TMEM67: variants seen among roughly 807,000 people sequenced by gnomAD.
The protein encoded by TMEM67 is transmembrane protein 67.
In TMEM67, 124 loss-of-function variants were observed where a neutral mutation model predicts 136.6. The observed-to-expected ratio is 0.91, with a 90% CI of 0.78 to 1.05. The LOEUF is 1.05. Among genes scored for constraint, TMEM67 ranks in the 50% least tolerant of loss-of-function variants. TMEM67 has a pLI of 0.00. For missense variants in TMEM67, 1,107 were observed against 1,178.4 expected (o/e 0.94, Z 0.89); for synonymous variants, 364 against 390.5 (o/e 0.93, Z 0.80).
In TMEM67 at chr8:93,763,843, G is replaced by A; in HGVS notation, c.408G>A (p.Val136=). The A allele has an allele frequency of 6.2e-7, 1 of 1,608,784 alleles. No individual in the cohort carries two copies. The highest frequency in any genetic ancestry group is 1.1e-5 in the South Asian group (1 of 90,920). Residue 136 remains valine, a splice_region_variant and synonymous_variant, in exon 4 of 28, where the codon GTG becomes GTA. Coordinates refer to ENST00000453321, the MANE Select transcript of TMEM67 (RefSeq NM_153704.6). The part of the protein sequence containing the change: ...KCHCPIGHIL[V]ERDINGTLLS... ...TTATTTTGTTTCTAAACTGTTCAGT[G>A]GAAAGAGACATTAATGGAACATTGT...
the TMEM67 span, among the ~76,000 whole-genome samples, chr8:93,831,389 G>A: frequency 6.6e-6 from 1 of 152,200 alleles, no homozygotes; most frequent in Non-Finnish European, 1.5e-5. Flanking sequence ...CAACAATTGG[G>A]CAAAAGATTT....
At chr8:93,824,780 A>C in the TMEM67 span, among the ~76,000 whole-genome samples, 1 of 152,170 alleles carries the variant, frequency 6.6e-6, no homozygotes, top group Non-Finnish European at 1.5e-5. Flanking sequence ...CAGTGGCACA[A>C]TCTCGACTCA....
chr8:93,803,404 A>G (rs1282798633), intron 21 of TMEM67, among the ~76,000 whole-genome samples, 200 bp from the exon 22 acceptor site: 2 of 152,214 alleles, frequency 1.3e-5, no homozygotes, highest in African/African-American at 4.8e-5. Context: ...GGCTCCCTCA[A>G]TGACTCAACA....
chr8:93,779,698 G>A (rs1169196271), intron 7 of TMEM67, among the ~76,000 whole-genome samples: 1 of 152,088 alleles, frequency 6.6e-6, no homozygotes, highest in Non-Finnish European at 1.5e-5. Flanking sequence ...TATTACCAGC[G>A]GAGGTTGTAG....
At chr8:93,806,706 C>T (rs947084878) in intron 23 of TMEM67, among the ~76,000 whole-genome samples, 4 of 151,964 alleles carry the variant, frequency 2.6e-5, no homozygotes, top group African/African-American at 9.7e-5. Flanking sequence ...ATACATTGAG[C>T]TGGATCACTT....
At chr8:93,764,050 C>A in intron 4 of TMEM67, 109 bp downstream of exon 4, 1 of 779,262 alleles carries the variant, frequency 1.3e-6, no homozygotes, top group Non-Finnish European at 2.2e-6. Context: ...CACAATAACC[C>A]AAGGAAGGAT....
chr8:93,822,843 T>C (rs1809059926), downstream of TMEM67, among the ~76,000 whole-genome samples: 1 of 152,188 alleles, frequency 6.6e-6, no homozygotes, highest in Admixed American at 6.5e-5. Flanking sequence ...AAGAACGAAT[T>C]ATCTAATGAT....
intron 23 of TMEM67, among the ~76,000 whole-genome samples, chr8:93,805,838 ATTG>A (rs1045563691): frequency 6.6e-6 from 1 of 152,216 alleles, no homozygotes; most frequent in Non-Finnish European, 1.5e-5. Context: ...CGATTAAGTG[ATTG>A]TTGACAGGGA....
chr8:93,826,822 GTTTA>G, the TMEM67 span, among the ~76,000 whole-genome samples: 2 of 152,010 alleles, frequency 1.3e-5, no homozygotes, highest in Admixed American at 6.6e-5. Flanking sequence ...ATATTTTTAT[GTTTA>G]TTTATTTATT....
At chr8:93,808,544 A>AT (rs1455360352) in intron 23 of TMEM67, among the ~76,000 whole-genome samples, 100 of 12,434 alleles carry the variant, frequency 8.0e-3, no homozygotes, top group South Asian at 0.014. Context: ...TCTATAATCT[A>AT]TATATATCTA....
chr8:93,799,548 C>G, intron 20 of TMEM67, 70 bp from the exon 21 acceptor site: 1 of 1,514,100 alleles, frequency 6.6e-7, no homozygotes, highest in Non-Finnish European at 9.1e-7. Context: ...GAGAGGTTTT[C>G]TGTTTTCAGT....
intron 18 of TMEM67, 74 bp downstream of exon 18, chr8:93,796,061 C>T: frequency 1.0e-6 from 1 of 995,636 alleles, no homozygotes; most frequent in Non-Finnish European, 1.6e-6. Flanking sequence ...AATTAAAATG[C>T]TTTCAAAAAT....
At chr8:93,823,296 A>G (rs1177561194), downstream of TMEM67, among the ~76,000 whole-genome samples, 1 of 152,208 alleles carries the variant, frequency 6.6e-6, no homozygotes, top group East Asian at 1.9e-4. Flanking sequence ...CCACTGGATA[A>G]TTCAGGATAA....
At chr8:93,830,042 A>G in the TMEM67 span, among the ~76,000 whole-genome samples, 2,060 of 152,286 alleles carry the variant, frequency 0.014, 53 homozygotes, top group African/African-American at 0.047. Flanking sequence ...GGAAAACTGC[A>G]CCAAGAAGCC....
At chr8:93,824,513 C>T in the TMEM67 span, among the ~76,000 whole-genome samples, 1 of 152,068 alleles carries the variant, frequency 6.6e-6, no homozygotes, top group Non-Finnish European at 1.5e-5. Flanking sequence ...CTGCTCTCCT[C>T]GGTTATAAAG....
intron 15 of TMEM67, among the ~76,000 whole-genome samples, chr8:93,792,246 A>G (rs1281872133): frequency 6.6e-6 from 1 of 151,652 alleles, no homozygotes. Flanking sequence ...ATCTCGGCCC[A>G]CTGCAACCTT....
At position 93,755,751 on chromosome 8, in the gene TMEM67, CTTTTT is replaced by C. The variant is rs587779735; in HGVS notation, c.224-7_224-3del. ...TTTTATTTATCAAGGATAAAATTGG[CTTTTT>C]TTTTTTTTTTTTTTTTTTTAGGAAC... On this transcript the variant is annotated intron_variant, in intron 1 of 27. Coordinates refer to ENST00000453321, the MANE Select transcript of TMEM67 (RefSeq NM_153704.6). The C allele has an allele frequency of 3.0e-4, 190 of 632,770 alleles. No homozygotes were observed. Among genetic ancestry groups the C allele is most frequent in the Admixed American group, 1.6e-3 (45 of 28,696 alleles). 39.2% of individuals were successfully genotyped at this position (632,770 alleles called of 1,614,324 possible).
At chr8:93,781,068 A>G in intron 9 of TMEM67, 86 bp downstream of exon 9, 1 of 926,442 alleles carries the variant, frequency 1.1e-6, no homozygotes, top group Non-Finnish European at 1.8e-6. Flanking sequence ...TTGCCTTTTT[A>G]GGTTGTTGGT....
At position 93,787,071 on chromosome 8, in the gene TMEM67, T is replaced by C. The variant is rs147050044; in HGVS notation, c.1412+725T>C. 3.7e-3 allele frequency among the ~76,000 whole-genome samples: 564 copies of C among 152,342 alleles called. 3 individuals are homozygous for C. Among genetic ancestry groups the C allele is most frequent in the African/African-American group, 0.013 (552 of 41,572 alleles). On this transcript the variant is annotated intron_variant, in intron 13 of 27. Coordinates refer to ENST00000453321, the MANE Select transcript of TMEM67 (RefSeq NM_153704.6). ...TCAGCATTTCTTCAGTCTGCTAATATGGTGTTCCTAGTAAAAATGAAAATG... is the reference window on the plus strand; with the variant it reads ...TCAGCATTTCTTCAGTCTGCTAATACGGTGTTCCTAGTAAAAATGAAAATG...
Sources: gnomAD v4.1 joint callset for allele counts (sites outside exome capture counted in the v4.1 genomes callset) on GRCh38, gnomAD v4.1.1 for gene constraint, MANE v1.5 for transcripts, NCBI Gene and HGNC (gene_info 2026-07-23, HGNC 2026-07-21) for gene names.